Variants in DPPA2 observed in about 807,000 individuals in gnomAD.
DPPA2 encodes the protein developmental pluripotency associated 2, also known as developmental pluripotency-associated protein 2.
DPPA2 carries 26 observed loss-of-function variants against 36.2 expected under a neutral mutation model. The observed-to-expected ratio is 0.72, with a 90% CI of 0.53 to 1.00. The LOEUF (loss-of-function observed/expected upper bound fraction) is 1.00. DPPA2 is among the 50% of genes least tolerant of loss of function. DPPA2 has a pLI of 0.00. For synonymous variants in DPPA2, 113 were observed against 123.2 expected, an observed-to-expected ratio of 0.92 and a Z score of 0.55; for missense variants, 361 against 365.1, an observed-to-expected ratio of 0.99 and a Z score of 0.09.
intron 7 of DPPA2, 95 bp from the exon 8 acceptor site, chr3:109,300,530 T>G: frequency 7.9e-7 from 1 of 1,270,946 alleles, no homozygotes; most frequent in Non-Finnish European, 1.1e-6. Flanking sequence ...AAATAAAGCA[T>G]GCACTTCTGG....
intron 8 of DPPA2, among the ~76,000 whole-genome samples, chr3:109,299,241 G>A (rs1242126741): frequency 6.6e-6 from 1 of 150,936 alleles, no homozygotes; most frequent in Non-Finnish European, 1.5e-5. Flanking sequence ...GGCTGGGTGC[G>A]GTGGCTCCCG....
At chr3:109,310,303 G>A (rs1197922969) in intron 3 of DPPA2, among the ~76,000 whole-genome samples, 1 of 148,308 alleles carries the variant, frequency 6.7e-6, no homozygotes, top group Non-Finnish European at 1.5e-5. Context: ...AGCTACTCAG[G>A]AGGCTGAGGC....
intron 8 of DPPA2, chr3:109,295,377 C>G (rs1707334809): frequency 6.6e-6 from 1 of 151,284 alleles, no homozygotes; most frequent in African/African-American, 2.4e-5. Context: ...ATCGTCTCTA[C>G]TAAAAATACA....
intron 2 of DPPA2, among the ~76,000 whole-genome samples, chr3:109,313,568 C>G (rs1329318989): frequency 1.3e-5 from 2 of 152,128 alleles, no homozygotes; most frequent in Non-Finnish European, 2.9e-5. Context: ...TCATAGTATA[C>G]TTGTAGTAAT....
chr3:109,312,246 A>G (rs530408932), intron 3 of DPPA2, among the ~76,000 whole-genome samples: 2 of 152,294 alleles, frequency 1.3e-5, no homozygotes, highest in East Asian at 3.9e-4. Flanking sequence ...AGGCAGGAGA[A>G]TCGCTTGAGC....
At chr3:109,308,925 C>T in intron 5 of DPPA2, 101 bp downstream of exon 5, 1 of 1,407,158 alleles carries the variant, frequency 7.1e-7, no homozygotes, top group Non-Finnish European at 9.9e-7. Context: ...GTGAAGAAAC[C>T]CTGCCTTAGA....
intron 8 of DPPA2, among the ~76,000 whole-genome samples, chr3:109,297,349 C>T (rs1449971929): frequency 6.6e-6 from 1 of 152,012 alleles, no homozygotes; most frequent in African/African-American, 2.4e-5. Flanking sequence ...CATGGCGAGA[C>T]CCCATCTCTA....
chr3:109,297,262 G>C (rs561335309), intron 8 of DPPA2, among the ~76,000 whole-genome samples: 1 of 152,074 alleles, frequency 6.6e-6, no homozygotes. Flanking sequence ...AGTGGCTCAT[G>C]CCTGTAATCC....
intron 7 of DPPA2, among the ~76,000 whole-genome samples, chr3:109,300,841 AAG>A (rs1576816761): frequency 6.6e-6 from 1 of 150,756 alleles, no homozygotes; most frequent in Admixed American, 6.6e-5. Context: ...AAAAAAAAAA[AAG>A]AATGCACTTC....
In DPPA2 at chr3:109,308,908, T is replaced by A. The variant is rs966398106; in HGVS notation, c.396+118A>T. The A allele has an allele frequency of 3.3e-6, 4 of 1,220,276 alleles. No homozygotes were observed. In the South Asian group the frequency reaches 3.9e-5, roughly 12 times the overall value. The allele number at this position is 1,220,276 out of a possible 1,614,324, so 75.6% of individuals were successfully genotyped here. A position where few individuals can be genotyped will look rare whatever the true frequency, so the allele number is the denominator to read the frequency against. On this transcript the variant is annotated intron_variant, in intron 5 of 8. Transcript: ENST00000478945. ...ATTATTTGTTCCGAAATATCAATAA[T>A]GCCACAGTGAAGAAACCCTGCCTTA...
chr3:109,299,952 C>G (rs1400749139), intron 8 of DPPA2, among the ~76,000 whole-genome samples: 1 of 151,982 alleles, frequency 6.6e-6, no homozygotes, highest in Non-Finnish European at 1.5e-5. Flanking sequence ...ATGTAGCACA[C>G]TAATGCAAGT....
intron 1 of DPPA2, among the ~76,000 whole-genome samples, chr3:109,315,515 A>G (rs1017489215): frequency 2.0e-5 from 3 of 152,206 alleles, no homozygotes; most frequent in Non-Finnish European, 4.4e-5. Context: ...TGGACACGGA[A>G]TGTGGCAAAA....
chr3:109,294,805 C>T (rs535183577), intron 8 of DPPA2, among the ~76,000 whole-genome samples: 13 of 152,210 alleles, frequency 8.5e-5, no homozygotes, highest in South Asian at 2.1e-4. Context: ...GGGTGGATCA[C>T]GAGGTCAGGA....
At chr3:109,310,503 T>G (rs1014170944) in intron 3 of DPPA2, among the ~76,000 whole-genome samples, 3 of 150,074 alleles carry the variant, frequency 2.0e-5, no homozygotes, top group East Asian at 2.0e-4. Context: ...CCTATGTAGG[T>G]TTTTTTTGTT....
intron 2 of DPPA2, 91 bp downstream of exon 2, chr3:109,314,419 A>C: frequency 7.6e-7 from 1 of 1,319,258 alleles, no homozygotes. Context: ...CCAGGAATGA[A>C]GATTTGTGGT....
chr3:109,315,938 G>A (rs1451125895), intron 1 of DPPA2, among the ~76,000 whole-genome samples: 2 of 152,200 alleles, frequency 1.3e-5, no homozygotes, highest in Non-Finnish European at 2.9e-5. Context: ...TCAGTTTACT[G>A]AGGAACTGAT....
At chr3:109,298,647 C>T (rs1191466397) in intron 8 of DPPA2, among the ~76,000 whole-genome samples, 6 of 150,742 alleles carry the variant, frequency 4.0e-5, no homozygotes, top group South Asian at 4.2e-4. Flanking sequence ...ACCTGGGAGG[C>T]GGAGGTTCCA....
intron 3 of DPPA2, among the ~76,000 whole-genome samples, chr3:109,309,852 C>T (rs62274255): frequency 0.2 from 30,929 of 151,354 alleles, 3,798 homozygotes; most frequent in Middle Eastern, 0.33. Context: ...GAGGCAAATT[C>T]GCCCAAATTA....
chr3:109,297,186 A>G (rs1275442979), intron 8 of DPPA2, among the ~76,000 whole-genome samples: 1 of 152,182 alleles, frequency 6.6e-6, no homozygotes, highest in African/African-American at 2.4e-5. Context: ...AAACATATAA[A>G]AAGATGCTCT....
Sources: allele counts gnomAD v4.1 joint callset (sites outside exome capture counted in the v4.1 genomes callset), GRCh38; gene constraint gnomAD v4.1.1; transcripts MANE v1.5; gene names NCBI Gene and HGNC (gene_info 2026-07-23, HGNC 2026-07-21).